The following ATRNL1 variants were observed in gnomAD, a reference collection of about 807,000 sequenced individuals.
ATRNL1 encodes the protein attractin like 1, also known as attractin-like protein 1.
ATRNL1 carries 95 observed loss-of-function variants against 182.7 expected under a neutral mutation model. That is an observed-to-expected ratio of 0.52 (90% CI 0.44 to 0.62). ATRNL1 has a LOEUF of 0.62. ATRNL1 is among the 20% of genes least tolerant of loss of function. The pLI, the probability that ATRNL1 is intolerant of heterozygous loss-of-function variation, is 0.00. For synonymous variants in ATRNL1, 576 were observed against 568.3 expected, an observed-to-expected ratio of 1.01 and a Z score of -0.19; for missense variants, 1,471 against 1,679.5, an observed-to-expected ratio of 0.88 and a Z score of 2.17.
chr10:115,677,113 A>G (rs1555043274), intron 26 of ATRNL1, among the ~76,000 whole-genome samples: 2 of 152,102 alleles, frequency 1.3e-5, no homozygotes, highest in African/African-American at 4.8e-5. Flanking sequence ...TGTTGAATAA[A>G]TGCATTCATG....
At chr10:115,609,553 G>C (rs1419269899) in intron 26 of ATRNL1, among the ~76,000 whole-genome samples, 1 of 152,066 alleles carries the variant, frequency 6.6e-6, no homozygotes, top group Non-Finnish European at 1.5e-5. Flanking sequence ...AGTCCTTTAA[G>C]AACTCACATT....
intron 21 of ATRNL1, among the ~76,000 whole-genome samples, chr10:115,451,680 C>T (rs1554967676): frequency 6.6e-6 from 1 of 152,020 alleles, no homozygotes; most frequent in African/African-American, 2.4e-5. Flanking sequence ...AATTAGTTCA[C>T]CCATTGTGGA....
chr10:115,095,047 T>G (rs1256518624), intron 1 of ATRNL1, among the ~76,000 whole-genome samples: 6 of 152,202 alleles, frequency 3.9e-5, no homozygotes, highest in Admixed American at 3.9e-4. Context: ...GTTTATTACA[T>G]TCTTGCCTGA....
chr10:115,497,846 C>T (rs967095998), intron 24 of ATRNL1, among the ~76,000 whole-genome samples: 7 of 151,870 alleles, frequency 4.6e-5, no homozygotes, highest in East Asian at 1.9e-4. Flanking sequence ...TTAGTAGAGA[C>T]GGGGTTTCGC....
At chr10:115,439,686 A>C (rs1344016812) in intron 21 of ATRNL1, among the ~76,000 whole-genome samples, 1 of 151,988 alleles carries the variant, frequency 6.6e-6, no homozygotes, top group South Asian at 2.1e-4. Flanking sequence ...CAGAGAGACT[A>C]TTCTGGACTA....
At chr10:115,570,605 A>T (rs1309829787) in intron 26 of ATRNL1, among the ~76,000 whole-genome samples, 1 of 152,188 alleles carries the variant, frequency 6.6e-6, no homozygotes, top group Non-Finnish European at 1.5e-5. Context: ...TGACCTCAGT[A>T]TCCAGATTTT....
At chr10:115,212,153 A>C (rs944850044) in intron 8 of ATRNL1, among the ~76,000 whole-genome samples, 1 of 151,850 alleles carries the variant, frequency 6.6e-6, no homozygotes, top group African/African-American at 2.4e-5. Context: ...CTCAGTACCC[A>C]ATAGTTATTC....
intron 25 of ATRNL1, among the ~76,000 whole-genome samples, chr10:115,537,741 C>T (rs1339889243): frequency 6.6e-6 from 1 of 151,666 alleles, no homozygotes; most frequent in Non-Finnish European, 1.5e-5. Flanking sequence ...TTTAAAATTT[C>T]TGTGCAGTAA....
At chr10:115,876,449 T>C (rs2134428866) in intron 28 of ATRNL1, among the ~76,000 whole-genome samples, 1 of 152,328 alleles carries the variant, frequency 6.6e-6, no homozygotes, top group African/African-American at 2.4e-5. Context: ...GATACCCACA[T>C]ACCTAGCAAA....
intron 26 of ATRNL1, among the ~76,000 whole-genome samples, chr10:115,712,846 C>T (rs890881240): frequency 8.8e-5 from 13 of 148,300 alleles, no homozygotes; most frequent in Admixed American, 4.1e-4. Context: ...CCAGGCTGGG[C>T]GACAGAGTAA....
At chr10:115,231,080 C>T (rs1318517369) in intron 9 of ATRNL1, among the ~76,000 whole-genome samples, 1 of 152,036 alleles carries the variant, frequency 6.6e-6, no homozygotes, top group African/African-American at 2.4e-5. Flanking sequence ...GAGGTACATA[C>T]TATACAGCTT....
At chr10:115,720,212 A>G (rs1435391150) in intron 26 of ATRNL1, among the ~76,000 whole-genome samples, 1 of 152,174 alleles carries the variant, frequency 6.6e-6, no homozygotes, top group Non-Finnish European at 1.5e-5. Context: ...ACAAATGGAC[A>G]GATGTCAGGC....
At chr10:115,380,039 C>T (rs1337971828) in intron 19 of ATRNL1, among the ~76,000 whole-genome samples, 1 of 152,034 alleles carries the variant, frequency 6.6e-6, no homozygotes, top group African/African-American at 2.4e-5. Flanking sequence ...ACCCTGGTAG[C>T]CAGGATGGTC....
intron 19 of ATRNL1, among the ~76,000 whole-genome samples, chr10:115,354,385 G>T (rs183144402): frequency 6.6e-6 from 1 of 151,978 alleles, no homozygotes; most frequent in East Asian, 1.9e-4. Context: ...TGGTGATGAT[G>T]AATTTACTCA....
At chr10:115,468,578 A>G (rs1366977100) in intron 23 of ATRNL1, among the ~76,000 whole-genome samples, 1 of 78,482 alleles carries the variant, frequency 1.3e-5, no homozygotes, top group Non-Finnish European at 3.3e-5. Context: ...TTTATTCAGC[A>G]CTCTATGTGT....
intron 28 of ATRNL1, among the ~76,000 whole-genome samples, chr10:115,865,383 G>A (rs1481376149): frequency 6.6e-6 from 1 of 152,058 alleles, no homozygotes; most frequent in Admixed American, 6.6e-5. Flanking sequence ...GCTAATAGAA[G>A]TATTTTGTCA....
At chr10:115,304,216 C>T (rs1853618091) in intron 17 of ATRNL1, among the ~76,000 whole-genome samples, 1 of 152,146 alleles carries the variant, frequency 6.6e-6, no homozygotes, top group African/African-American at 2.4e-5. Flanking sequence ...CATTGACTTT[C>T]TTGCAGTCCC....
intron 8 of ATRNL1, among the ~76,000 whole-genome samples, chr10:115,189,921 A>G (rs1848104557): frequency 7.1e-6 from 1 of 140,696 alleles, no homozygotes; most frequent in South Asian, 2.4e-4. Context: ...CAGGTATACC[A>G]TTTTTTATTT....
chr10:115,700,155 G>A (rs1946686653), intron 26 of ATRNL1, among the ~76,000 whole-genome samples: 1 of 152,094 alleles, frequency 6.6e-6, no homozygotes, highest in African/African-American at 2.4e-5. Flanking sequence ...AAATACAAAT[G>A]TGTGTGCCTT....
Sources: allele counts gnomAD v4.1 joint callset (sites outside exome capture counted in the v4.1 genomes callset), GRCh38; gene constraint gnomAD v4.1.1; transcripts MANE v1.5; gene names NCBI Gene and HGNC (gene_info 2026-07-23, HGNC 2026-07-21).